AK8: variants seen among roughly 807,000 people sequenced by gnomAD.
AK8 encodes adenylate kinase 8.
In AK8, 44 loss-of-function variants were observed where a neutral mutation model predicts 54.6. That is an observed-to-expected ratio of 0.81 (90% confidence interval 0.63 to 1.04). The LOEUF (loss-of-function observed/expected upper bound fraction) is 1.04, where lower values mean the gene tolerates loss of function less well. Ranked by LOEUF, AK8 falls within the 50% of genes least tolerant of loss-of-function variation. AK8 has a pLI of 0.00. For synonymous variants in AK8, 239 were observed against 245.6 expected (o/e 0.97, Z 0.25); for missense variants, 555 against 613.6 (o/e 0.90, Z 1.01).
intron 11 of AK8, among the ~76,000 whole-genome samples, chr9:132,758,653 T>C (rs1590205545): frequency 6.6e-6 from 1 of 152,010 alleles, no homozygotes; most frequent in Non-Finnish European, 1.5e-5. Flanking sequence ...GAGATGGTTT[T>C]TCGCCATGTT....
At chr9:132,864,447 T>A (rs1260845415) in intron 3 of AK8, among the ~76,000 whole-genome samples, 1 of 152,180 alleles carries the variant, frequency 6.6e-6, no homozygotes, top group Admixed American at 6.5e-5. Flanking sequence ...GTGGCCTCAC[T>A]GAGCCCTCAC....
At chr9:132,762,103 TAA>T (rs1242402412) in intron 11 of AK8, among the ~76,000 whole-genome samples, 1 of 152,128 alleles carries the variant, frequency 6.6e-6, no homozygotes, top group Non-Finnish European at 1.5e-5. Context: ...CTCCTGGCCA[TAA>T]GTGATCTGCC....
At chr9:132,738,586 T>C (rs538597769) in intron 11 of AK8, among the ~76,000 whole-genome samples, 38 of 152,088 alleles carry the variant, frequency 2.5e-4, no homozygotes, top group Non-Finnish European at 4.9e-4. Context: ...AATGAAACTA[T>C]TGTCCATTTC....
At chr9:132,727,421 C>G (rs981520343) in intron 12 of AK8, 33 bp downstream of exon 12, 7 of 1,601,626 alleles carry the variant, frequency 4.4e-6, no homozygotes, top group Non-Finnish European at 6.0e-6. Context: ...TGGCAGTCCC[C>G]AGACTGCCAA....
chr9:132,742,753 T>C (rs1837453394), intron 11 of AK8, among the ~76,000 whole-genome samples: 1 of 152,222 alleles, frequency 6.6e-6, no homozygotes, highest in Admixed American at 6.5e-5. Flanking sequence ...ACACTTAATA[T>C]GTAATAACAA....
rs1181279298 is a variant in AK8 at position 132,738,499 on chromosome 9, C to T, written c.1122-10965G>A. On this transcript the variant is annotated intron_variant, in intron 11 of 12. Transcript: ENST00000298545. ...TACAATTTGATCACAATAAATATGTCCTTTATAGCTCAGGGTAAATTCAAA... is the reference window on the plus strand; with the variant it reads ...TACAATTTGATCACAATAAATATGTTCTTTATAGCTCAGGGTAAATTCAAA... 2.0e-5 allele frequency among the ~76,000 whole-genome samples: 3 copies of T among 152,124 alleles called. No homozygotes were observed. In the East Asian group the frequency reaches 5.8e-4, roughly 29 times the overall value.
At chr9:132,760,200 T>G (rs1352193611) in intron 11 of AK8, among the ~76,000 whole-genome samples, 3 of 151,730 alleles carry the variant, frequency 2.0e-5, no homozygotes, top group Non-Finnish European at 4.4e-5. Context: ...TTTTTTTTTT[T>G]GGAGATGGGG....
intron 11 of AK8, chr9:132,769,127 A>C (rs1469657064): frequency 6.6e-6 from 1 of 152,338 alleles, no homozygotes; most frequent in Non-Finnish European, 1.5e-5. Flanking sequence ...TTCCCAAGGC[A>C]ACGTCGAAAT....
chr9:132,823,446 C>A, intron 8 of AK8, 110 bp from the exon 9 acceptor site: 1 of 1,449,906 alleles, frequency 6.9e-7, no homozygotes, highest in South Asian at 1.2e-5. Context: ...TTTTCTCTTT[C>A]ACAGCACCAT....
intron 4 of AK8, chr9:132,861,497 G>C (rs779851984): frequency 6.6e-6 from 1 of 152,160 alleles, no homozygotes; most frequent in East Asian, 1.9e-4. Context: ...AAGCTTCTGG[G>C]GTAAGGAGAA....
intron 10 of AK8, among the ~76,000 whole-genome samples, chr9:132,805,628 T>TA (rs56002847): frequency 6.6e-6 from 1 of 151,606 alleles, no homozygotes; most frequent in Admixed American, 6.6e-5. Context: ...AAGTCTAGTG[T>TA]AAAAAAAATC....
chr9:132,847,265 C>A (rs2771997), intron 5 of AK8, among the ~76,000 whole-genome samples: 115,569 of 152,176 alleles, frequency 0.76, 44,100 homozygotes, highest in South Asian at 0.86. Context: ...GGTCTTCTAC[C>A]ACCAGGCGTG....
At chr9:132,865,074 G>A (rs574657065) in intron 3 of AK8, among the ~76,000 whole-genome samples, 1 of 152,268 alleles carries the variant, frequency 6.6e-6, no homozygotes, top group South Asian at 2.1e-4. Flanking sequence ...CCAGGAACCT[G>A]CATTTTTCAT....
chr9:132,878,485 T>G, upstream of AK8: 40 of 1,183,414 alleles, frequency 3.4e-5, no homozygotes, highest in East Asian at 1.5e-4. The surrounding 1 kb of genome is among the most constrained non-coding windows in gnomAD (Gnocchi z 4.7). Context: ...TTGCGCATCT[T>G]AGCGGGGGAC....
At chr9:132,872,437 A>C (rs1843887427) in intron 2 of AK8, among the ~76,000 whole-genome samples, 1 of 152,172 alleles carries the variant, frequency 6.6e-6, no homozygotes, top group African/African-American at 2.4e-5. Context: ...AATTTATGAG[A>C]GTTCAAGTGG....
intron 11 of AK8, among the ~76,000 whole-genome samples, chr9:132,764,507 C>T (rs1312575881): frequency 6.6e-6 from 1 of 152,134 alleles, no homozygotes; most frequent in East Asian, 1.9e-4. Context: ...CACAGATATA[C>T]AAAGGCTCAT....
At chr9:132,833,817 C>A (rs1439609334) in intron 5 of AK8, among the ~76,000 whole-genome samples, 1 of 152,288 alleles carries the variant, frequency 6.6e-6, no homozygotes, top group Non-Finnish European at 1.5e-5. Context: ...CGGCTTTGTG[C>A]GAACACTGGC....
At chr9:132,866,407 T>C (rs568244241) in intron 3 of AK8, among the ~76,000 whole-genome samples, 7 of 152,350 alleles carry the variant, frequency 4.6e-5, no homozygotes, top group African/African-American at 1.7e-4. Context: ...AAAGCAAATA[T>C]GGCAAGATGT....
At chr9:132,864,230 T>G (rs1588231612) in intron 3 of AK8, among the ~76,000 whole-genome samples, 2 of 152,212 alleles carry the variant, frequency 1.3e-5, no homozygotes, top group African/African-American at 2.4e-5. Context: ...TGATAATTAC[T>G]CTATAGTCTA....
Sources: allele counts gnomAD v4.1 joint callset (sites outside exome capture counted in the v4.1 genomes callset), GRCh38; gene constraint gnomAD v4.1.1; non-coding constraint Gnocchi (gnomAD v3.1); transcripts MANE v1.5; gene names NCBI Gene and HGNC (gene_info 2026-07-23, HGNC 2026-07-21).